NLRP3: variants seen among roughly 807,000 people sequenced by gnomAD.
The protein encoded by NLRP3 is NACHT, LRR and PYD domains-containing protein 3.
Under a neutral mutation model 91.3 loss-of-function variants are expected in NLRP3, and 48 were observed. That is an observed-to-expected ratio of 0.53 (90% CI 0.42 to 0.67). NLRP3 has a LOEUF of 0.67. Ranked by LOEUF, NLRP3 falls within the 30% of genes least tolerant of loss-of-function variation. NLRP3 has a pLI of 0.00. For missense variants in NLRP3, 982 were observed against 1,276.9 expected, an observed-to-expected ratio of 0.77 and a Z score of 3.52; for synonymous variants, 561 against 507.9, an observed-to-expected ratio of 1.10 and a Z score of -1.41.
intron 5 of NLRP3, among the ~76,000 whole-genome samples, chr1:247,430,930 C>A (rs553525781): frequency 6.6e-6 from 1 of 151,976 alleles, no homozygotes; most frequent in African/African-American, 2.4e-5. Context: ...ACCATGCTGG[C>A]TAATTTTTGT....
intron 5 of NLRP3, among the ~76,000 whole-genome samples, chr1:247,430,137 A>G (rs555034974): frequency 3.9e-5 from 6 of 152,142 alleles, no homozygotes; most frequent in African/African-American, 1.4e-4. Context: ...CGGCCTCCCA[A>G]AATGCTGGGA....
At chr1:247,433,973 G>T (rs1242713715) in intron 5 of NLRP3, 130 bp from the exon 6 acceptor site, 4 of 537,964 alleles carry the variant, frequency 7.4e-6, no homozygotes, top group Non-Finnish European at 9.8e-6. Flanking sequence ...GGAGCTCTCT[G>T]ATCAGATGTG....
chr1:247,442,243 G>A (rs114936541), intron 7 of NLRP3, among the ~76,000 whole-genome samples: 1 of 152,146 alleles, frequency 6.6e-6, no homozygotes, highest in Non-Finnish European at 1.5e-5. Flanking sequence ...CTGGTCATCT[G>A]TTCATGCTTT....
chr1:247,434,556 A>T (rs752354980), intron 6 of NLRP3, among the ~76,000 whole-genome samples: 12 of 152,160 alleles, frequency 7.9e-5, no homozygotes, highest in Non-Finnish European at 1.6e-4. Flanking sequence ...AATCAGTGTA[A>T]TGCATTGCTT....
chr1:247,434,732 C>A (rs1041916159), intron 6 of NLRP3, among the ~76,000 whole-genome samples: 8 of 152,024 alleles, frequency 5.3e-5, no homozygotes, highest in Non-Finnish European at 1.2e-4. Flanking sequence ...AATGGAAGGG[C>A]CATTTCTCAC....
chr1:247,441,193 TC>T (rs66774877), intron 7 of NLRP3, among the ~76,000 whole-genome samples: 5,859 of 64,212 alleles, frequency 0.091, 310 homozygotes, highest in African/African-American at 0.23. Flanking sequence ...TCCCTTCCCC[TC>T]CCCCCCCCCT....
intron 5 of NLRP3, among the ~76,000 whole-genome samples, chr1:247,432,826 G>C (rs1350623700): frequency 1.3e-5 from 2 of 152,014 alleles, no homozygotes; most frequent in Admixed American, 6.6e-5. Context: ...TTTGTTGCTG[G>C]TGGTGGTGGT....
In NLRP3 at chr1:247,418,166, G is replaced by T. The variant is rs1277100854; in HGVS notation, c.-635G>T. 1 of 154,424 alleles carries T rather than the reference G, an allele frequency of 6.5e-6. No homozygotes were observed. Among genetic ancestry groups the T allele is most frequent in the Non-Finnish European group, 1.4e-5 (1 of 69,442 alleles). 9.6% of individuals were successfully genotyped at this position (154,424 alleles called of 1,614,324 possible). On this transcript the variant is annotated 5_prime_UTR_variant, in exon 2 of 10. Transcript: ENST00000336119. ...GTCAAGATGGCATCGTGAAGTGGTT[G>T]TTCACCGTAAACTGTAATACAATCC...
rs1662840849 is a variant in NLRP3 at position 247,425,907 on chromosome 1, T to C, written c.2150+308T>C. 2 of 396,718 alleles carry C rather than the reference T, an allele frequency of 5.0e-6. No homozygotes were observed. Among genetic ancestry groups the C allele is most frequent in the African/African-American group, 2.1e-5 (1 of 48,716 alleles). The allele number at this position is 396,718 out of a possible 1,614,324, so 24.6% of individuals were successfully genotyped here. ...TTGTCAACTGAAATTTCTTGTAAGC[T>C]ACTTGGAGCACTAGTGCCTAAGAGT... is the stretch of plus-strand genomic sequence containing the variant. On this transcript the variant is annotated intron_variant, in intron 4 of 9. Coordinates refer to ENST00000336119, the MANE Select transcript of NLRP3 (RefSeq NM_001243133.2). This position sits in a 1 kb window ranked among gnomAD's most constrained non-coding sequence, Gnocchi z 4.1.
chr1:247,444,651 A>G lies in NLRP3; in HGVS notation c.2835A>G (p.Glu945=), dbSNP rs367694129. 2.7e-5 allele frequency: 44 copies of G among 1,613,734 alleles called. No homozygotes were observed. Among genetic ancestry groups the G allele is most frequent in the Middle Eastern group, 1.7e-4 (1 of 5,950 alleles). ...LHPDCKLQVL[E]LDNCNLTSHC... ...TCTTTAAATCACCCCCTTTTTGCAGATTAGACAACTGCAACCTCACGTCAC... is the reference window on the plus strand; with the variant it reads ...TCTTTAAATCACCCCCTTTTTGCAGGTTAGACAACTGCAACCTCACGTCAC... Residue 945 remains glutamate (E), a splice_region_variant and synonymous_variant, in exon 9 of 10, where the codon GAA becomes GAG. Transcript: ENST00000336119.
At position 247,424,584 on chromosome 1, in the gene NLRP3, T is replaced by G; in HGVS notation, c.1135T>G (p.Tyr379Asp). ...TTTCTCCGAGGCCAAAAGGAAAGAGTACTTCTTCAAGTACTTCTCTGATGA... is the reference window on the plus strand; with the variant it reads ...TTTCTCCGAGGCCAAAAGGAAAGAGGACTTCTTCAAGTACTTCTCTGATGA... ...LGFSEAKRKE[Y>D]FFKYFSDEAQ... Residue 379 changes from tyrosine (Y) to aspartate (D), a missense_variant, in exon 4 of 10, where the codon TAC becomes GAC. By Grantham distance (160) the Tyr-to-Asp change is radical. Transcript: ENST00000336119. This position sits in a 1 kb window ranked among gnomAD's most constrained non-coding sequence, Gnocchi z 8.1. 1 of 1,614,036 alleles carries G rather than the reference T, an allele frequency of 6.2e-7. No individual in the cohort carries two copies. The highest frequency in any genetic ancestry group is 8.5e-7 in the Non-Finnish European group (1 of 1,180,014).
chr1:247,429,678 C>A lies in NLRP3; in HGVS notation c.2244C>A (p.Asp748Glu). Residue 748 changes from aspartate to glutamate, a missense_variant, in exon 5 of 10, where the codon GAC becomes GAA. Asp to Glu is a conservative substitution (Grantham distance 45). Coordinates refer to ENST00000336119, the MANE Select transcript of NLRP3 (RefSeq NM_001243133.2). ...GTCTAACTGAATTGGACCTCAGTGA[C>A]AATTCTCTGGGGGACCCAGGGATGA... ...SQSLTELDLS[D>E]NSLGDPGMRV... The A allele has an allele frequency of 1.2e-6, 2 of 1,614,136 alleles. No individual in the cohort carries two copies. Among genetic ancestry groups the A allele is most frequent in the Non-Finnish European group, 1.7e-6 (2 of 1,180,012 alleles).
chr1:247,425,032 C>A lies in NLRP3; in HGVS notation c.1583C>A (p.Ala528Asp). The A allele has an allele frequency of 1.9e-6, 3 of 1,614,176 alleles. No individual in the cohort carries two copies. Among genetic ancestry groups the A allele is most frequent in the Non-Finnish European group, 2.5e-6 (3 of 1,180,034 alleles). ...FIHMTFQEFFAAMYYLLEEEK... is the reference protein window; with the variant it reads ...FIHMTFQEFFDAMYYLLEEEK... ...CACATGACTTTCCAGGAGTTCTTTGCCGCCATGTACTACCTGCTGGAAGAG... is the reference window on the plus strand; with the variant it reads ...CACATGACTTTCCAGGAGTTCTTTGACGCCATGTACTACCTGCTGGAAGAG... Residue 528 changes from alanine (A) to aspartate (D), a missense_variant, in exon 4 of 10, where the codon GCC becomes GAC. Ala to Asp is a moderately radical substitution (Grantham distance 126). Coordinates refer to ENST00000336119, the MANE Select transcript of NLRP3 (RefSeq NM_001243133.2). The surrounding 1 kb of genome is among the most constrained non-coding windows in gnomAD (Gnocchi z 4.1).
chr1:247,444,286 T>C, intron 8 of NLRP3, 144 bp downstream of exon 8: 1 of 883,274 alleles, frequency 1.1e-6, no homozygotes, highest in East Asian at 2.5e-5. Flanking sequence ...ATCATGGGAC[T>C]GGGAGGAGTC....
intron 7 of NLRP3, among the ~76,000 whole-genome samples, chr1:247,437,320 T>C (rs1374029228): frequency 1.3e-5 from 2 of 152,176 alleles, no homozygotes; most frequent in Non-Finnish European, 2.9e-5. Flanking sequence ...ACCAGCCAGA[T>C]CAGCATTCAA....
chr1:247,419,154 A>C (rs1662269188), intron 2 of NLRP3, 77 bp downstream of exon 2: 1 of 940,828 alleles, frequency 1.1e-6, no homozygotes, highest in Non-Finnish European at 1.4e-6. Context: ...TTATATATAT[A>C]TATATATATA....
intron 7 of NLRP3, among the ~76,000 whole-genome samples, chr1:247,442,578 T>A (rs1664307663): frequency 6.6e-6 from 1 of 151,946 alleles, no homozygotes; most frequent in African/African-American, 2.4e-5. Context: ...AAGAGAGAGG[T>A]GGACAGAAAG....
At chr1:247,422,300 G>A (rs12042182) in intron 2 of NLRP3, among the ~76,000 whole-genome samples, 16,752 of 150,876 alleles carry the variant, frequency 0.11, 1,169 homozygotes, top group East Asian at 0.3. Context: ...GATCACTTGA[G>A]CCCAGGAGGT....
chr1:247,440,496 CA>C (rs1452404803), intron 7 of NLRP3, among the ~76,000 whole-genome samples: 1 of 152,192 alleles, frequency 6.6e-6, no homozygotes, highest in African/African-American at 2.4e-5. Context: ...TCTCTGCAGT[CA>C]GAGTGACATC....
Sources: gnomAD v4.1 joint callset for allele counts (sites outside exome capture counted in the v4.1 genomes callset) on GRCh38, gnomAD v4.1.1 for gene constraint, Gnocchi (gnomAD v3.1) non-coding constraint, MANE v1.5 for transcripts, NCBI Gene and HGNC (gene_info 2026-07-23, HGNC 2026-07-21) for gene names.